Variants in PLCB1 observed in about 807,000 individuals in gnomAD.
The protein encoded by PLCB1 is phospholipase C beta 1, also known as 1-phosphatidylinositol 4,5-bisphosphate phosphodiesterase beta-1.
In PLCB1, 46 loss-of-function variants were observed where a neutral mutation model predicts 161.8. That is an observed-to-expected ratio of 0.28 (90% CI 0.22 to 0.36). The LOEUF is 0.36. Ranked by LOEUF, PLCB1 falls within the 10% of genes least tolerant of loss-of-function variation. PLCB1 has a pLI of 1.00. For synonymous variants in PLCB1, 517 were observed against 503.7 expected (o/e 1.03, Z -0.35); for missense variants, 1,016 against 1,472.5 (o/e 0.69, Z 5.07).
chr20:8,198,125 A>G (rs926789338), intron 2 of PLCB1, among the ~76,000 whole-genome samples: 4 of 152,028 alleles, frequency 2.6e-5, no homozygotes, highest in African/African-American at 7.2e-5. Flanking sequence ...TTGGCTTAAG[A>G]TTGACTTGAC....
chr20:8,527,470 G>A (rs1171770284), intron 3 of PLCB1, among the ~76,000 whole-genome samples: 1 of 152,220 alleles, frequency 6.6e-6, no homozygotes, highest in Non-Finnish European at 1.5e-5. Context: ...TACCATATTG[G>A]AAGACAGTAA....
intron 3 of PLCB1, among the ~76,000 whole-genome samples, chr20:8,420,923 C>A (rs1415183561): frequency 1.3e-5 from 2 of 152,100 alleles, no homozygotes; most frequent in Non-Finnish European, 2.9e-5. Flanking sequence ...TACATAAAAT[C>A]TGTTTTTGTT....
chr20:8,864,065 G>A (rs1487421051), intron 31 of PLCB1, among the ~76,000 whole-genome samples: 5 of 152,106 alleles, frequency 3.3e-5, no homozygotes, highest in African/African-American at 1.2e-4. Flanking sequence ...CATACAATTA[G>A]ACAAAATATT....
At chr20:8,593,479 C>T (rs1401131137) in intron 3 of PLCB1, among the ~76,000 whole-genome samples, 1 of 152,060 alleles carries the variant, frequency 6.6e-6, no homozygotes, top group Non-Finnish European at 1.5e-5. Context: ...CAAGTGTGAG[C>T]CACCACACCC....
intron 7 of PLCB1, chr20:8,652,741 G>A (rs1397329966): frequency 2.0e-5 from 3 of 152,030 alleles, no homozygotes; most frequent in Non-Finnish European, 4.4e-5. Flanking sequence ...TGATATTACT[G>A]CACATTGTTG....
intron 3 of PLCB1, among the ~76,000 whole-genome samples, chr20:8,613,248 T>C (rs1987950538): frequency 6.6e-6 from 1 of 152,222 alleles, no homozygotes; most frequent in African/African-American, 2.4e-5. Flanking sequence ...TAAACAGCAA[T>C]CATATAAAAT....
At chr20:8,260,450 T>G (rs934606805) in intron 2 of PLCB1, among the ~76,000 whole-genome samples, 7 of 152,006 alleles carry the variant, frequency 4.6e-5, no homozygotes, top group South Asian at 2.1e-4. Context: ...CTGAGAAAGC[T>G]GAGAGTGGGT....
rs181347682 is a variant in PLCB1 at position 8,623,094 on chromosome 20, C to T, written c.247-5200C>T. Among the ~76,000 whole-genome samples, 3 of 152,098 alleles carry T rather than the reference C, an allele frequency of 2.0e-5. No individual in the cohort carries two copies. In the East Asian group the frequency reaches 5.8e-4, roughly 29 times the overall value. On this transcript the variant is annotated intron_variant, in intron 3 of 31. Coordinates refer to ENST00000338037, the MANE Select transcript of PLCB1 (RefSeq NM_015192.4). ...CCTTATCTTTCCTTCCTTCCTAGCT[C>T]TCGAAACTGCATTAAACCAGACCCT...
intron 31 of PLCB1, among the ~76,000 whole-genome samples, chr20:8,821,246 TG>T (rs1219428870): frequency 4.0e-5 from 6 of 151,476 alleles, no homozygotes; most frequent in Admixed American, 3.3e-4. Flanking sequence ...TTTGGGAGGC[TG>T]AGGTGGGTGG....
chr20:8,836,716 T>G (rs1986299981), intron 31 of PLCB1, among the ~76,000 whole-genome samples: 1 of 152,212 alleles, frequency 6.6e-6, no homozygotes, highest in African/African-American at 2.4e-5. Context: ...TTTTGGTGAC[T>G]GTGTATATGA....
chr20:8,847,958 A>G (rs1303068417), intron 31 of PLCB1, among the ~76,000 whole-genome samples: 2 of 152,204 alleles, frequency 1.3e-5, no homozygotes, highest in African/African-American at 4.8e-5. Context: ...AGGCGCCAGC[A>G]GGTTCGGTTG....
At chr20:8,478,678 C>G in intron 3 of PLCB1, among the ~76,000 whole-genome samples, 1 of 152,180 alleles carries the variant, frequency 6.6e-6, no homozygotes, top group Non-Finnish European at 1.5e-5. Context: ...GCTTTGAAAA[C>G]AAGCATATTT....
At chr20:8,608,942 T>C (rs1399444669) in intron 3 of PLCB1, among the ~76,000 whole-genome samples, 2 of 152,296 alleles carry the variant, frequency 1.3e-5, no homozygotes, top group East Asian at 3.9e-4. Flanking sequence ...CTGAAATGTA[T>C]TGAGATGTAT....
intron 3 of PLCB1, among the ~76,000 whole-genome samples, chr20:8,440,399 G>C (rs1054755629): frequency 4.6e-5 from 7 of 152,204 alleles, no homozygotes; most frequent in African/African-American, 1.4e-4. Flanking sequence ...TGACTTGACT[G>C]TTACAGCTAG....
intron 12 of PLCB1, among the ~76,000 whole-genome samples, chr20:8,712,805 A>G (rs1173421614): frequency 6.6e-6 from 1 of 152,192 alleles, no homozygotes; most frequent in African/African-American, 2.4e-5. Flanking sequence ...AGACGCTCAC[A>G]CCTTGGGAGT....
At chr20:8,720,798 T>C (rs938902450) in intron 14 of PLCB1, among the ~76,000 whole-genome samples, 6 of 151,718 alleles carry the variant, frequency 4.0e-5, no homozygotes, top group African/African-American at 1.5e-4. Context: ...TATAGAAAGC[T>C]CTGCCAAACA....
rs1368085713 is a variant in PLCB1 at position 8,657,206 on chromosome 20, A to C, written c.617A>C (p.Asp206Ala). Residue 206 changes from aspartate (D) to alanine (A), a missense_variant, in exon 8 of 32, where the codon GAT (aspartate) becomes GCT (alanine). Coordinates refer to ENST00000338037, the MANE Select transcript of PLCB1 (RefSeq NM_015192.4). ...CAGAATGATTCAATACCTCAAGAAG[A>C]TTTCACTCCAGAAGTGTACAGAGTT... ...SSRNDSIPQE[D>A]FTPEVYRVFL... 1 of 1,607,154 alleles carries C rather than the reference A, an allele frequency of 6.2e-7. No homozygotes were observed. The highest frequency in any genetic ancestry group is 2.2e-5 in the East Asian group (1 of 44,818).
At chr20:8,390,203 A>G (rs1987547814) in intron 3 of PLCB1, among the ~76,000 whole-genome samples, 1 of 152,160 alleles carries the variant, frequency 6.6e-6, no homozygotes, top group Non-Finnish European at 1.5e-5. Context: ...GGGAGCGGGA[A>G]GTCTGAGACA....
At chr20:8,868,358 A>G (rs1315229137) in intron 31 of PLCB1, among the ~76,000 whole-genome samples, 1 of 147,452 alleles carries the variant, frequency 6.8e-6, no homozygotes, top group Admixed American at 7.0e-5. Context: ...GTATTGTATT[A>G]TGAAGAGGAC....
Sources: gnomAD v4.1 joint callset for allele counts (sites outside exome capture counted in the v4.1 genomes callset) on GRCh38, gnomAD v4.1.1 for gene constraint, MANE v1.5 for transcripts, NCBI Gene and HGNC (gene_info 2026-07-23, HGNC 2026-07-21) for gene names.